The following ASAP1 variants were observed in gnomAD, a reference collection of about 807,000 sequenced individuals.
ASAP1 encodes arf-GAP with SH3 domain, ANK repeat and PH domain-containing protein 1.
A neutral mutation model predicts 145.2 loss-of-function variants in ASAP1; 43 were observed. That is an observed-to-expected ratio of 0.30 (90% CI 0.23 to 0.38). The LOEUF is 0.38. Among genes scored for constraint, ASAP1 ranks in the 10% least tolerant of loss-of-function variants. The pLI is 1.00. For missense variants in ASAP1, 1,018 were observed against 1,355.3 expected, an observed-to-expected ratio of 0.75 and a Z score of 3.91; for synonymous variants, 546 against 515.5, an observed-to-expected ratio of 1.06 and a Z score of -0.80.
chr8:130,292,950 G>A lies in ASAP1; in HGVS notation c.187-55956C>T, dbSNP rs183145964. On this transcript the variant is annotated intron_variant, in intron 3 of 29. Transcript: ENST00000518721. The stretch of plus-strand genomic sequence containing the variant: ...ACTCGAATGTACTATTATTTTCATC[G>A]GCAATCATGCCACCTTTATTCAGTT... 1.4e-4 allele frequency among the ~76,000 whole-genome samples: 22 copies of A among 152,228 alleles called. 1 individual carries two copies. In the East Asian group the frequency reaches 1.7e-3, roughly 12 times the overall value.
intron 9 of ASAP1, among the ~76,000 whole-genome samples, chr8:130,175,694 T>C (rs1813903986): frequency 6.6e-6 from 1 of 152,258 alleles, no homozygotes; most frequent in Non-Finnish European, 1.5e-5. Flanking sequence ...TTTGGTTTCC[T>C]GTGCTTACTT....
At chr8:130,326,381 TAA>T (rs1299264230) in intron 3 of ASAP1, among the ~76,000 whole-genome samples, 1 of 152,226 alleles carries the variant, frequency 6.6e-6, no homozygotes, top group East Asian at 1.9e-4. Flanking sequence ...ACAACTTTTA[TAA>T]AACATCAGTG....
chr8:130,121,136 A>C (rs1443730270), intron 18 of ASAP1, among the ~76,000 whole-genome samples: 3 of 152,114 alleles, frequency 2.0e-5, no homozygotes, highest in Non-Finnish European at 4.4e-5. Context: ...ACCACATTTC[A>C]TTATCTTCAT....
chr8:130,118,940 A>G lies in ASAP1; in HGVS notation c.1608-265T>C, dbSNP rs562837668. Among the ~76,000 whole-genome samples the G allele has an allele frequency of 3.9e-5, 6 of 152,344 alleles. 1 individual carries two copies. Among genetic ancestry groups the G allele is most frequent in the African/African-American group, 1.4e-4 (6 of 41,584 alleles). On this transcript the variant is annotated intron_variant, in intron 18 of 29. Transcript: ENST00000518721. Reference sequence around the variant, plus strand: ...ACAGATTTCTTTTTCACCTTGACCAACAGCATGAGAAATCAACTATTTATA... The same window carrying G: ...ACAGATTTCTTTTTCACCTTGACCAGCAGCATGAGAAATCAACTATTTATA...
chr8:130,078,348 G>T (rs372070704), intron 26 of ASAP1, among the ~76,000 whole-genome samples: 1 of 152,150 alleles, frequency 6.6e-6, no homozygotes, highest in African/African-American at 2.4e-5. Flanking sequence ...CGGATGGAGT[G>T]CAGAGGTGCG....
At chr8:130,118,381 C>A in intron 19 of ASAP1, 108 bp downstream of exon 19, 1 of 1,359,434 alleles carries the variant, frequency 7.4e-7, no homozygotes, top group Non-Finnish European at 1.0e-6. Flanking sequence ...TTAGACATGG[C>A]CACCCAATGT....
chr8:130,243,976 T>A (rs916560899), intron 3 of ASAP1, among the ~76,000 whole-genome samples: 3 of 152,204 alleles, frequency 2.0e-5, no homozygotes, highest in East Asian at 1.9e-4. Flanking sequence ...ATAGGAGATG[T>A]GCAGTAAATA....
intron 13 of ASAP1, among the ~76,000 whole-genome samples, chr8:130,146,288 T>C (rs1315032451): frequency 6.6e-6 from 1 of 152,034 alleles, no homozygotes; most frequent in Admixed American, 6.5e-5. Flanking sequence ...TACCCCTTAG[T>C]AAAAGTAAAA....
chr8:130,059,038 A>C (rs183481525), intron 28 of ASAP1, among the ~76,000 whole-genome samples: 1 of 152,342 alleles, frequency 6.6e-6, no homozygotes, highest in East Asian at 1.9e-4. Context: ...CTTGGGAGTC[A>C]TGGGAGAGTT....
chr8:130,188,997 T>C (rs1814950134), intron 5 of ASAP1, among the ~76,000 whole-genome samples: 1 of 152,132 alleles, frequency 6.6e-6, no homozygotes, highest in Admixed American at 6.5e-5. Context: ...TTACTGTGTT[T>C]GGATTTTTTT....
chr8:130,238,740 A>G (rs1213725253), intron 3 of ASAP1, among the ~76,000 whole-genome samples: 1 of 152,148 alleles, frequency 6.6e-6, no homozygotes, highest in Admixed American at 6.5e-5. Context: ...ATTTATAGAA[A>G]GGCAAGGTGA....
intron 4 of ASAP1, among the ~76,000 whole-genome samples, chr8:130,228,391 G>T (rs1265628612): frequency 6.6e-6 from 1 of 152,080 alleles, no homozygotes; most frequent in African/African-American, 2.4e-5. Flanking sequence ...CCAAAAGTAT[G>T]TGTGTTTGTG....
intron 3 of ASAP1, among the ~76,000 whole-genome samples, chr8:130,330,982 T>C (rs1383565165): frequency 2.6e-5 from 4 of 152,218 alleles, no homozygotes; most frequent in Admixed American, 6.5e-5. Flanking sequence ...AAATGGGCTT[T>C]GGCATCAGAA....
At chr8:130,233,503 T>C (rs1818032535) in intron 4 of ASAP1, among the ~76,000 whole-genome samples, 1 of 152,182 alleles carries the variant, frequency 6.6e-6, no homozygotes, top group Non-Finnish European at 1.5e-5. Context: ...TCATCATCTA[T>C]AAAATGAGAA....
intron 3 of ASAP1, among the ~76,000 whole-genome samples, chr8:130,327,080 G>A (rs1163287423): frequency 6.6e-6 from 1 of 152,164 alleles, no homozygotes; most frequent in Admixed American, 6.5e-5. Flanking sequence ...ATGATCACAT[G>A]CCAAGAGCAA....
intron 1 of ASAP1, among the ~76,000 whole-genome samples, chr8:130,427,435 CG>C (rs1422488688): frequency 1.3e-5 from 2 of 152,178 alleles, no homozygotes; most frequent in Non-Finnish European, 2.9e-5. Context: ...AAGCCCTTGC[CG>C]AGAATCCCAC....
chr8:130,242,589 T>G (rs1189023300), intron 3 of ASAP1, among the ~76,000 whole-genome samples: 1 of 152,088 alleles, frequency 6.6e-6, no homozygotes, highest in Non-Finnish European at 1.5e-5. Flanking sequence ...TAATTAACAC[T>G]TGCATAAGAG....
intron 5 of ASAP1, among the ~76,000 whole-genome samples, chr8:130,210,215 A>G (rs1816493178): frequency 6.6e-6 from 1 of 152,366 alleles, no homozygotes; most frequent in East Asian, 1.9e-4. Context: ...ACATGAAAAT[A>G]TAGCTACCGT....
chr8:130,222,087 TG>T (rs1817326865), intron 4 of ASAP1, among the ~76,000 whole-genome samples: 1 of 152,218 alleles, frequency 6.6e-6, no homozygotes, highest in Non-Finnish European at 1.5e-5. Context: ...CAGACAACGC[TG>T]AAGAGTTTAT....
Sources: allele counts gnomAD v4.1 joint callset (sites outside exome capture counted in the v4.1 genomes callset), GRCh38; gene constraint gnomAD v4.1.1; transcripts MANE v1.5; gene names NCBI Gene and HGNC (gene_info 2026-07-23, HGNC 2026-07-21).